The following EHHADH variants were observed in gnomAD, a reference collection of about 807,000 sequenced individuals.
EHHADH encodes the protein peroxisomal bifunctional enzyme.
EHHADH carries 48 observed loss-of-function variants against 64.4 expected under a neutral mutation model. That is an observed-to-expected ratio of 0.75 (90% CI 0.59 to 0.95). EHHADH has a LOEUF of 0.95. Among genes scored for constraint, EHHADH ranks in the 40% least tolerant of loss-of-function variants. The pLI, the probability that EHHADH is intolerant of heterozygous loss-of-function variation, is 0.00. For missense variants in EHHADH, 854 were observed against 876.6 expected, an observed-to-expected ratio of 0.97 and a Z score of 0.33; for synonymous variants, 308 against 326.7, an observed-to-expected ratio of 0.94 and a Z score of 0.62.
In EHHADH at chr3:185,191,313, T is replaced by C. The variant is rs1212032703; in HGVS notation, c.*913A>G. 6.6e-6 allele frequency: 1 copy of C among 152,202 alleles called. No individual in the cohort carries two copies. The highest frequency in any genetic ancestry group is 2.4e-5 in the African/African-American group (1 of 41,438). 9.4% of individuals were successfully genotyped at this position (152,202 alleles called of 1,614,324 possible). ...GTCCATTGTATGGATATACCAGATT[T>C]GGTTTATCTATTCATTAGTTCATAG... is the stretch of plus-strand genomic sequence containing the variant. On this transcript the variant is annotated 3_prime_UTR_variant, in exon 7 of 7. Coordinates refer to ENST00000231887, the MANE Select transcript of EHHADH (RefSeq NM_001966.4).
At chr3:185,223,053 A>C (rs1479552606) in intron 4 of EHHADH, among the ~76,000 whole-genome samples, 16 of 152,196 alleles carry the variant, frequency 1.1e-4, no homozygotes, top group Non-Finnish European at 1.5e-5. Context: ...ATGCTATTTA[A>C]TGTCTGAAGA....
intron 4 of EHHADH, among the ~76,000 whole-genome samples, chr3:185,226,488 A>G (rs368053616): frequency 2.6e-5 from 4 of 152,122 alleles, no homozygotes; most frequent in Non-Finnish European, 5.9e-5. Flanking sequence ...GTCTCTACTA[A>G]TAATACAAAA....
chr3:185,203,014 G>GA (rs199595668), intron 6 of EHHADH, among the ~76,000 whole-genome samples: 45 of 148,282 alleles, frequency 3.0e-4, no homozygotes, highest in African/African-American at 1.1e-3. Flanking sequence ...GAGATGAAGG[G>GA]AAAAAAAAGG....
chr3:185,204,464 A>AGGT lies in EHHADH; in HGVS notation c.861_862insACC (p.Ala287_Ser288insThr), dbSNP rs1718324926. On this transcript the variant is annotated inframe_insertion, in exon 6 of 7. Coordinates refer to ENST00000231887, the MANE Select transcript of EHHADH (RefSeq NM_001966.4). Reference sequence around the variant, plus strand: ...GGCCGCGCTGATGCTGTTTTCCACGATGCTCCGGAGGGAGTTGACCACTTA... The same window carrying AGGT: ...GGCCGCGCTGATGCTGTTTTCCACGAGGTTGCTCCGGAGGGAGTTGACCACTTA... 1 of 1,613,486 alleles carries AGGT rather than the reference A, an allele frequency of 6.2e-7. No individual in the cohort carries two copies.
At chr3:185,212,090 A>T (rs993043264) in intron 5 of EHHADH, among the ~76,000 whole-genome samples, 5 of 152,246 alleles carry the variant, frequency 3.3e-5, no homozygotes, top group African/African-American at 1.2e-4. Context: ...GTCTTTGAAT[A>T]ACAGCACACA....
At chr3:185,251,699 T>C (rs887063592) in intron 1 of EHHADH, among the ~76,000 whole-genome samples, 2 of 151,378 alleles carry the variant, frequency 1.3e-5, no homozygotes, top group African/African-American at 4.9e-5. Context: ...CATATAAAAT[T>C]AGAAATAGGA....
chr3:185,197,746 A>G (rs1178863081), intron 6 of EHHADH, among the ~76,000 whole-genome samples: 1 of 152,204 alleles, frequency 6.6e-6, no homozygotes, highest in African/African-American at 2.4e-5. Context: ...GAGTAATGCT[A>G]TTATGAACAT....
intron 6 of EHHADH, among the ~76,000 whole-genome samples, chr3:185,197,148 T>G (rs1331376716): frequency 6.6e-6 from 1 of 152,088 alleles, no homozygotes; most frequent in African/African-American, 2.4e-5. Context: ...GGAGAGTGAC[T>G]GTTGATGGGT....
chr3:185,197,842 A>G (rs1373190830), intron 6 of EHHADH, among the ~76,000 whole-genome samples: 7 of 151,956 alleles, frequency 4.6e-5, no homozygotes, highest in African/African-American at 1.7e-4. Context: ...TGTCACCCAG[A>G]CTGGAGTGCA....
chr3:185,230,178 G>A (rs1011305546), intron 3 of EHHADH, among the ~76,000 whole-genome samples: 11 of 152,294 alleles, frequency 7.2e-5, no homozygotes, highest in Admixed American at 2.6e-4. Context: ...AACAGGTGTT[G>A]GAGAGGATAT....
intron 6 of EHHADH, among the ~76,000 whole-genome samples, chr3:185,193,724 A>C (rs1329966543): frequency 6.6e-6 from 1 of 152,240 alleles, no homozygotes; most frequent in Non-Finnish European, 1.5e-5. Flanking sequence ...AAATGAGTCC[A>C]ACGAGATTGT....
At position 185,192,913 on chromosome 3, in the gene EHHADH, C is replaced by G. The variant is rs1187353008; in HGVS notation, c.1485G>C (p.Leu495Phe). Reference protein sequence around the residue: ...LNPYYNQAYFLLEEGSKPEEV... With the variant: ...LNPYYNQAYFFLEEGSKPEEV... Reference sequence around the variant, plus strand: ...CCTCTGGTTTGCTGCCTTCTTCTAACAAGAAATATGCCTGATTGTAGTAAG... The same window carrying G: ...CCTCTGGTTTGCTGCCTTCTTCTAAGAAGAAATATGCCTGATTGTAGTAAG... The change falls in exon 7 of 7, where the codon TTG (leucine) becomes TTC (phenylalanine). Residue 495 changes from leucine (L) to phenylalanine (F), a missense_variant. Physicochemically the swap from Leu to Phe is conservative, Grantham distance 22. Transcript: ENST00000231887. 8 of 1,614,136 alleles carry G rather than the reference C, an allele frequency of 5.0e-6. No individual in the cohort carries two copies. The highest frequency in any genetic ancestry group is 6.8e-6 in the Non-Finnish European group (8 of 1,180,010).
At position 185,193,160 on chromosome 3, in the gene EHHADH, A is replaced by C; in HGVS notation, c.1238T>G (p.Leu413Arg). 6.2e-7 allele frequency: 1 copy of C among 1,613,238 alleles called. No individual in the cohort carries two copies. The highest frequency in any genetic ancestry group is 1.1e-5 in the South Asian group (1 of 90,806). ...EAFLCTNTSA[L>R]DVDEIASSTD... The stretch of plus-strand genomic sequence containing the variant: ...GGAAGAAGCAATCTCATCAACATCC[A>C]GGGCTGAAGTATTAGTGCACAAAAA... The change falls in exon 7 of 7, where the codon CTG becomes CGG. Residue 413 changes from leucine (L) to arginine (R), a missense_variant. By Grantham distance (102) the Leu-to-Arg change is moderately radical. Transcript: ENST00000231887.
At chr3:185,238,669 T>C (rs1055893645) in intron 2 of EHHADH, among the ~76,000 whole-genome samples, 13 of 152,198 alleles carry the variant, frequency 8.5e-5, no homozygotes, top group African/African-American at 3.1e-4. Context: ...GTTGAGTTGT[T>C]TGAGTTCCTT....
intron 2 of EHHADH, among the ~76,000 whole-genome samples, chr3:185,242,775 T>C (rs1719492381): frequency 6.6e-6 from 1 of 152,158 alleles, no homozygotes; most frequent in South Asian, 2.1e-4. Context: ...GGCTAAGAAC[T>C]TGCCCCAGGC....
chr3:185,214,539 T>TA (rs1718633245), intron 5 of EHHADH, among the ~76,000 whole-genome samples: 1 of 152,146 alleles, frequency 6.6e-6, no homozygotes. Context: ...TAGGAAAAGA[T>TA]AAATTTTTTT....
chr3:185,249,475 CCCA>C (rs1719686997), intron 1 of EHHADH, among the ~76,000 whole-genome samples: 1 of 152,182 alleles, frequency 6.6e-6, no homozygotes. Context: ...AACTGTGATC[CCCA>C]CGTCAGGGAG....
intron 4 of EHHADH, among the ~76,000 whole-genome samples, chr3:185,221,184 A>T (rs1228733294): frequency 6.6e-6 from 1 of 152,186 alleles, no homozygotes; most frequent in East Asian, 1.9e-4. Flanking sequence ...AAATTATTCA[A>T]TATTCCCCCA....
intron 3 of EHHADH, among the ~76,000 whole-genome samples, chr3:185,233,249 T>A (rs1304226466): frequency 1.3e-5 from 2 of 152,194 alleles, no homozygotes; most frequent in Non-Finnish European, 2.9e-5. Flanking sequence ...GAGCAAATTT[T>A]TTGTATATTA....
Sources: gnomAD v4.1 joint callset for allele counts (sites outside exome capture counted in the v4.1 genomes callset) on GRCh38, gnomAD v4.1.1 for gene constraint, MANE v1.5 for transcripts, NCBI Gene and HGNC (gene_info 2026-07-23, HGNC 2026-07-21) for gene names.